The following IL27RA variants were observed in gnomAD, a reference collection of about 807,000 sequenced individuals.
IL27RA encodes interleukin 27 receptor subunit alpha.
Under a neutral mutation model 80.8 loss-of-function variants are expected in IL27RA, and 61 were observed. The observed-to-expected ratio is 0.76, with a 90% CI of 0.61 to 0.93. The LOEUF is 0.93. IL27RA is among the 40% of genes least tolerant of loss of function. The pLI is 0.00. For synonymous variants in IL27RA, 316 were observed against 332.5 expected, an observed-to-expected ratio of 0.95 and a Z score of 0.54; for missense variants, 735 against 808.1, an observed-to-expected ratio of 0.91 and a Z score of 1.10.
At position 14,052,018 on chromosome 19, in the gene IL27RA, G is replaced by A. The variant is rs972857973; in HGVS notation, c.1716+45G>A. 16 of 1,565,024 alleles carry A rather than the reference G, an allele frequency of 1.0e-5. No homozygotes were observed. The East Asian group carries it at 3.7e-4, about 36-fold the overall frequency. On this transcript the variant is annotated intron_variant, in intron 13 of 13. Transcript: ENST00000263379. ...AGTCGGAGCCCTCTGGGGGACTGGG[G>A]AGTCCTGGGGCAGTGGGGAGGGGGT...
chr19:14,045,366 G>C (rs1473390377), intron 6 of IL27RA, among the ~76,000 whole-genome samples: 2 of 151,356 alleles, frequency 1.3e-5, no homozygotes, highest in Non-Finnish European at 2.9e-5. Flanking sequence ...GAGACGGGCG[G>C]ATTTTTTTTT....
At chr19:14,047,556 CA>C (rs1158493809) in intron 8 of IL27RA, among the ~76,000 whole-genome samples, 1 of 151,712 alleles carries the variant, frequency 6.6e-6, no homozygotes, top group African/African-American at 2.4e-5. Context: ...GGGGTTTCAC[CA>C]TGTTGGCTAG....
At chr19:14,032,534 G>GGCTTTGGA (rs751002793) in intron 2 of IL27RA, 31 bp downstream of exon 2, 2 of 1,485,010 alleles carry the variant, frequency 1.3e-6, no homozygotes, top group Non-Finnish European at 1.9e-6. Context: ...TGGGGAAACA[G>GGCTTTGGA]GCTTTGGAGG....
At chr19:14,047,820 ATTT>A (rs547206577) in intron 8 of IL27RA, among the ~76,000 whole-genome samples, 1 of 140,294 alleles carries the variant, frequency 7.1e-6, no homozygotes, top group Admixed American at 7.2e-5. Flanking sequence ...CGCCCGGCTA[ATTT>A]TTTTTTTTTT....
chr19:14,043,452 C>T (rs1340071710), intron 6 of IL27RA, among the ~76,000 whole-genome samples: 1 of 151,852 alleles, frequency 6.6e-6, no homozygotes, highest in Non-Finnish European at 1.5e-5. Flanking sequence ...TGGAGTCTCG[C>T]TCTGTTGCCC....
rs1975889154 is a variant in IL27RA, at chr19:14,035,785, A to G, written c.218+3282A>G. Reference sequence around the variant, plus strand: ...TTTAGTTTTATTGATTTATGTATTGATTTTATTTATTTTGAGAAGAGGTCT... The same window carrying G: ...TTTAGTTTTATTGATTTATGTATTGGTTTTATTTATTTTGAGAAGAGGTCT... On this transcript the variant is annotated intron_variant, in intron 2 of 13. Transcript: ENST00000263379. Among the ~76,000 whole-genome samples the G allele has an allele frequency of 2.6e-5, 4 of 151,378 alleles. No homozygotes were observed. The Admixed American group carries it at 2.6e-4, about 10-fold the overall frequency.
At chr19:14,040,014 G>A in intron 4 of IL27RA, 104 bp downstream of exon 4, 1 of 1,131,046 alleles carries the variant, frequency 8.8e-7, no homozygotes. Flanking sequence ...GCCTGCCCCT[G>A]AGCCTGTATG....
Position 14,039,879 on chromosome 19 carries a change from A to G in IL27RA, c.503A>G (p.Tyr168Cys), listed in dbSNP as rs1975965401. Reference sequence around the variant, plus strand: ...AAAGTTCTGATCTGCCAGTTCCACTACCGAAGATGTCAGGAGGCGGCCTGG... The same window carrying G: ...AAAGTTCTGATCTGCCAGTTCCACTGCCGAAGATGTCAGGAGGCGGCCTGG... ...SHKVLICQFH[Y>C]RRCQEAAWTL... The change falls in exon 4 of 14, where the codon TAC becomes TGC. Residue 168 changes from tyrosine (Y) to cysteine (C), a missense_variant. Transcript: ENST00000263379. 2.5e-6 allele frequency: 4 copies of G among 1,614,068 alleles called. No homozygotes were observed. The highest frequency in any genetic ancestry group is 3.4e-6 in the Non-Finnish European group (4 of 1,180,012).
intron 1 of IL27RA, 43 bp from the exon 2 acceptor site, chr19:14,032,343 G>A: frequency 1.4e-6 from 2 of 1,448,988 alleles, no homozygotes; most frequent in South Asian, 1.2e-5. Context: ...CGGAAGGGGG[G>A]GATTCGACCC....
Position 14,039,600 on chromosome 19 carries a change from T to G in IL27RA, c.311T>G (p.Leu104Arg). Residue 104 changes from leucine to arginine, a missense_variant, in exon 3 of 14, where the codon CTT becomes CGT. By Grantham distance (102) the Leu-to-Arg change is moderately radical. Transcript: ENST00000263379. The part of the protein sequence containing the change: ...REQLTMSDKL[L>R]VWGTKAGQPL... ...CAGCTCACCATGTCTGACAAACTCC[T>G]TGTCTGGGGCACTAAGGCAGGCCAG... 1 of 1,614,202 alleles carries G rather than the reference T, an allele frequency of 6.2e-7. No homozygotes were observed. The highest frequency in any genetic ancestry group is 8.5e-7 in the Non-Finnish European group (1 of 1,180,038).
Position 14,046,411 on chromosome 19 carries a change from A to T in IL27RA, c.953-19A>T, listed in dbSNP as rs775935831. Reference sequence around the variant, plus strand: ...GTGACTTCCTGAGTGGGCAGCTGAGACTTCTCTCCACCCTCCAGATTCAGC... The same window carrying T: ...GTGACTTCCTGAGTGGGCAGCTGAGTCTTCTCTCCACCCTCCAGATTCAGC... On this transcript the variant is annotated intron_variant, in intron 7 of 13. Transcript: ENST00000263379. 6.2e-7 allele frequency: 1 copy of T among 1,613,984 alleles called. No homozygotes were observed. The highest frequency in any genetic ancestry group is 1.7e-5 in the Admixed American group (1 of 59,984).
intron 9 of IL27RA, 24 bp downstream of exon 9, chr19:14,049,106 G>C: frequency 6.2e-7 from 1 of 1,612,632 alleles, no homozygotes; most frequent in Non-Finnish European, 8.5e-7. Context: ...TGGAGGATGG[G>C]GGGGCTTCTG....
intron 5 of IL27RA, 41 bp downstream of exon 5, chr19:14,042,653 AC>A (rs757944471): frequency 5.0e-6 from 8 of 1,613,186 alleles, no homozygotes; most frequent in Non-Finnish European, 5.9e-6. Context: ...CGCCCCTCCC[AC>A]CCCCAGAAGT....
At chr19:14,041,113 G>C (rs1297866161) in intron 4 of IL27RA, among the ~76,000 whole-genome samples, 1 of 151,732 alleles carries the variant, frequency 6.6e-6, no homozygotes, top group Non-Finnish European at 1.5e-5. Context: ...ATGTTGGTCA[G>C]GCTGGTCTTG....
At chr19:14,040,252 TA>T (rs748575050) in intron 4 of IL27RA, among the ~76,000 whole-genome samples, 15 of 150,738 alleles carry the variant, frequency 1.0e-4, no homozygotes, top group Non-Finnish European at 1.8e-4. Context: ...TAATCCCAGC[TA>T]CTGAAAGCTG....
chr19:14,038,798 C>T (rs1381791625), intron 2 of IL27RA, among the ~76,000 whole-genome samples: 3 of 151,358 alleles, frequency 2.0e-5, no homozygotes, highest in African/African-American at 7.3e-5. Flanking sequence ...GCAGGAGAAT[C>T]GCTTGAACCT....
At chr19:14,039,706 G>A in intron 3 of IL27RA, 41 bp downstream of exon 3, 1 of 1,609,926 alleles carries the variant, frequency 6.2e-7, no homozygotes, top group Non-Finnish European at 8.5e-7. Flanking sequence ...CGGGGTGGGT[G>A]CTCTTGGAGG....
rs762697721 is a variant in IL27RA, at chr19:14,046,630, G to A, written c.1141+12G>A. On this transcript the variant is annotated intron_variant, in intron 8 of 13. Coordinates refer to ENST00000263379, the MANE Select transcript of IL27RA (RefSeq NM_004843.4). ...TGCTCTGTTACCAGGTGAGGCCCTGGGACACCTGGGTCTCCATCCCCGCTG... is the reference window on the plus strand; with the variant it reads ...TGCTCTGTTACCAGGTGAGGCCCTGAGACACCTGGGTCTCCATCCCCGCTG... The A allele has an allele frequency of 1.1e-5, 17 of 1,577,938 alleles. No homozygotes were observed. In the Admixed American group the frequency reaches 3.0e-4, roughly 28 times the overall value.
At chr19:14,037,128 C>T (rs1006717811) in intron 2 of IL27RA, among the ~76,000 whole-genome samples, 7 of 150,872 alleles carry the variant, frequency 4.6e-5, no homozygotes, top group African/African-American at 1.7e-4. Context: ...CCACCGTGCC[C>T]GGCCCCACAT....
Sources: allele counts gnomAD v4.1 joint callset (sites outside exome capture counted in the v4.1 genomes callset), GRCh38; gene constraint gnomAD v4.1.1; transcripts MANE v1.5; gene names NCBI Gene and HGNC (gene_info 2026-07-23, HGNC 2026-07-21).